Variants in EXPH5 observed in about 807,000 individuals in gnomAD.
EXPH5 encodes exophilin 5, also known as exophilin-5.
Under a neutral mutation model 41.1 loss-of-function variants are expected in EXPH5, and 42 were observed. The ratio of observed to expected loss-of-function variants is 1.02; its 90% CI spans 0.80 to 1.32. The LOEUF is 1.32. EXPH5 is among the 40% of genes most tolerant of loss of function. The pLI is 0.00. For missense variants in EXPH5, 2,298 were observed against 2,314.5 expected, an observed-to-expected ratio of 0.99 and a Z score of 0.15; for synonymous variants, 798 against 833.5, an observed-to-expected ratio of 0.96 and a Z score of 0.73.
At chr11:108,587,445 G>C (rs1431886340) in intron 1 of EXPH5, among the ~76,000 whole-genome samples, 1 of 152,078 alleles carries the variant, frequency 6.6e-6, no homozygotes, top group Non-Finnish European at 1.5e-5. Context: ...AGTTCCATTT[G>C]ACTAGGTATT....
intron 3 of EXPH5, among the ~76,000 whole-genome samples, chr11:108,534,003 C>A (rs1244667503): frequency 2.0e-5 from 3 of 152,036 alleles, no homozygotes; most frequent in Non-Finnish European, 4.4e-5. Context: ...CTATGTTGAC[C>A]AGGCTAATTT....
intron 1 of EXPH5, among the ~76,000 whole-genome samples, chr11:108,591,473 A>T (rs558019101): frequency 2.6e-4 from 40 of 152,336 alleles, no homozygotes; most frequent in Admixed American, 1.7e-3. Flanking sequence ...CAGTACTAGA[A>T]ATCATTGCCT....
intron 1 of EXPH5, among the ~76,000 whole-genome samples, chr11:108,565,260 G>C (rs1238299112): frequency 6.6e-6 from 1 of 152,046 alleles, no homozygotes; most frequent in Non-Finnish European, 1.5e-5. Context: ...TTTAGCCCAG[G>C]TACCATTTAA....
chr11:108,551,957 G>A (rs1171536991), intron 1 of EXPH5: 1 of 152,162 alleles, frequency 6.6e-6, no homozygotes, highest in Non-Finnish European at 1.5e-5. Flanking sequence ...TGTCATAATG[G>A]AAGACGGATC....
chr11:108,600,216 A>C, the EXPH5 span, among the ~76,000 whole-genome samples: 1 of 152,236 alleles, frequency 6.6e-6, no homozygotes, highest in African/African-American at 2.4e-5. Flanking sequence ...TTGAAAGTTA[A>C]GTTGTCCTTT....
At chr11:108,606,544 TG>T in the EXPH5 span, among the ~76,000 whole-genome samples, 1 of 152,144 alleles carries the variant, frequency 6.6e-6, no homozygotes, top group Non-Finnish European at 1.5e-5. Context: ...TTTAAAAAAA[TG>T]GATTTTAAAT....
intron 1 of EXPH5, among the ~76,000 whole-genome samples, chr11:108,580,547 C>A (rs2094094868): frequency 6.6e-6 from 1 of 152,162 alleles, no homozygotes; most frequent in Non-Finnish European, 1.5e-5. Context: ...TCCAGCAATT[C>A]CACTGCTGGG....
At chr11:108,551,072 G>A (rs1157509570) in intron 1 of EXPH5, among the ~76,000 whole-genome samples, 3 of 152,082 alleles carry the variant, frequency 2.0e-5, no homozygotes, top group Admixed American at 6.5e-5. Context: ...GCCATCTGCC[G>A]GATTTTGCAG....
intron 1 of EXPH5, among the ~76,000 whole-genome samples, chr11:108,571,782 C>T (rs2094060923): frequency 1.3e-5 from 2 of 152,114 alleles, no homozygotes; most frequent in African/African-American, 4.8e-5. Flanking sequence ...ATTGAACAGG[C>T]TGGGGCGGTG....
chr11:108,529,844 CA>C (rs1190347075), intron 3 of EXPH5, among the ~76,000 whole-genome samples: 5,943 of 93,570 alleles, frequency 0.064, 183 homozygotes, highest in African/African-American at 0.14. Flanking sequence ...AACTCTGTCT[CA>C]AAAAAAAAAA....
In EXPH5 at chr11:108,510,187, G is replaced by C; in HGVS notation, c.5320C>G (p.Leu1774Val). The C allele has an allele frequency of 6.2e-7, 1 of 1,614,096 alleles. No individual in the cohort carries two copies. Among genetic ancestry groups the C allele is most frequent in the Non-Finnish European group, 8.5e-7 (1 of 1,180,016 alleles). ...GATGAAGCACTCCTTTGTTGCTGCA[G>C]AAAACTGGCCAGTGGACTGCTTACT... is the stretch of plus-strand genomic sequence containing the variant. ...SRVSSPLASF[L>V]QQQRSASSLE... The change falls in exon 6 of 6, where the codon CTG (leucine) becomes GTG (valine). Residue 1774 changes from leucine (L) to valine (V), a missense_variant. Coordinates refer to ENST00000265843, the MANE Select transcript of EXPH5 (RefSeq NM_015065.3).
chr11:108,602,294 G>A, the EXPH5 span, among the ~76,000 whole-genome samples: 1 of 152,142 alleles, frequency 6.6e-6, no homozygotes, highest in Non-Finnish European at 1.5e-5. Flanking sequence ...GGCACCTGCT[G>A]TGTGCCAGGC....
At chr11:108,548,189 G>A (rs912237636) in intron 1 of EXPH5, among the ~76,000 whole-genome samples, 1 of 147,868 alleles carries the variant, frequency 6.8e-6, no homozygotes, top group Non-Finnish European at 1.5e-5. Context: ...TTAAAAACCA[G>A]CTCATTTTTC....
At chr11:108,569,285 A>T (rs1405500607) in intron 1 of EXPH5, among the ~76,000 whole-genome samples, 1 of 151,926 alleles carries the variant, frequency 6.6e-6, no homozygotes, top group East Asian at 1.9e-4. Context: ...CCTCTGTGTG[A>T]CTATCTTATC....
At position 108,511,972 on chromosome 11, in the gene EXPH5, G is replaced by T; in HGVS notation, c.3535C>A (p.Gln1179Lys). Residue 1179 changes from glutamine (Q) to lysine (K), a missense_variant, in exon 6 of 6, where the codon CAA (glutamine) becomes AAA (lysine). Transcript: ENST00000265843. ...SVRDCSLTKR[Q>K]HQKENFQEYT... ...TCTTGGAAGTTTTCCTTTTGGTGTT[G>T]TCTTTTGGTTAAAGAACAATCTCTA... 6.3e-7 allele frequency: 1 copy of T among 1,599,184 alleles called. No homozygotes were observed. Among genetic ancestry groups the T allele is most frequent in the Non-Finnish European group, 8.5e-7 (1 of 1,175,734 alleles).
chr11:108,509,542 G>A lies in EXPH5; in HGVS notation c.5965C>T (p.Leu1989=). 6.5e-7 allele frequency: 1 copy of A among 1,550,050 alleles called. No homozygotes were observed. Among genetic ancestry groups the A allele is most frequent in the Non-Finnish European group, 8.7e-7 (1 of 1,155,110 alleles). The change falls in exon 6 of 6, where the codon CTG becomes TTG. Residue 1989 remains leucine, a synonymous_variant. Coordinates refer to ENST00000265843, the MANE Select transcript of EXPH5 (RefSeq NM_015065.3). The part of the protein sequence containing the change: ...YLDENDKESE[L] ...AGCATTTTATTGAAAAAGCCTCACA[G>A]TTCTGACTCTTTGTCATTTTCATCC... is the stretch of plus-strand genomic sequence containing the variant.
At chr11:108,599,979 C>T in the EXPH5 span, among the ~76,000 whole-genome samples, 2 of 152,308 alleles carry the variant, frequency 1.3e-5, no homozygotes, top group Admixed American at 6.5e-5. Flanking sequence ...TAATACTAAT[C>T]CCTTGAACTT....
chr11:108,511,320 G>A lies in EXPH5; in HGVS notation c.4187C>T (p.Thr1396Ile), dbSNP rs779225336. The A allele has an allele frequency of 1.9e-6, 3 of 1,590,280 alleles. No individual in the cohort carries two copies. The highest frequency in any genetic ancestry group is 1.8e-5 in the Admixed American group (1 of 54,678). The change falls in exon 6 of 6, where the codon ACT (threonine) becomes ATT (isoleucine). Residue 1396 changes from threonine to isoleucine, a missense_variant. By Grantham distance (89) the Thr-to-Ile change is moderately conservative. Transcript: ENST00000265843. The part of the protein sequence containing the change: ...GKKLQSETLH[T>I]SLMLQRKNVS... Reference sequence around the variant, plus strand: ...ATTTTTTCTCTGAAGCATCAATGAAGTATGCAGGGTTTCACTTTGCAACTT... The same window carrying A: ...ATTTTTTCTCTGAAGCATCAATGAAATATGCAGGGTTTCACTTTGCAACTT...
chr11:108,591,074 G>T lies in EXPH5; in HGVS notation c.119+2344C>A, dbSNP rs975801150. Among the ~76,000 whole-genome samples, 5 of 152,098 alleles carry T rather than the reference G, an allele frequency of 3.3e-5. No homozygotes were observed. In the East Asian group the frequency reaches 9.6e-4, roughly 29 times the overall value. ...CTAAATTTCTAAACTTCCCCATTTGGACCCTTATTGTTCTAGTCAAGAGGT... is the reference window on the plus strand; with the variant it reads ...CTAAATTTCTAAACTTCCCCATTTGTACCCTTATTGTTCTAGTCAAGAGGT... On this transcript the variant is annotated intron_variant, in intron 1 of 5. Coordinates refer to ENST00000265843, the MANE Select transcript of EXPH5 (RefSeq NM_015065.3).
Sources: allele counts gnomAD v4.1 joint callset (sites outside exome capture counted in the v4.1 genomes callset), GRCh38; gene constraint gnomAD v4.1.1; transcripts MANE v1.5; gene names NCBI Gene and HGNC (gene_info 2026-07-23, HGNC 2026-07-21).